TTC27: variants seen among roughly 807,000 people sequenced by gnomAD.
The protein encoded by TTC27 is tetratricopeptide repeat protein 27.
In TTC27, 79 loss-of-function variants were observed where a neutral mutation model predicts 115.9. The observed-to-expected ratio is 0.68, with a 90% confidence interval of 0.57 to 0.82. TTC27 has a LOEUF of 0.82. TTC27 is among the 40% of genes least tolerant of loss of function. The probability of loss-of-function intolerance (pLI) is 0.00; values close to 1 mark genes in which losing one functional copy is unlikely to be tolerated. For missense variants in TTC27, 1,054 were observed against 993.1 expected, an observed-to-expected ratio of 1.06 and a Z score of -0.82; for synonymous variants, 401 against 356.0, an observed-to-expected ratio of 1.13 and a Z score of -1.42.
chr2:32,765,976 G>A (rs116469118), intron 13 of TTC27, among the ~76,000 whole-genome samples: 2,500 of 152,226 alleles, frequency 0.016, 138 homozygotes, highest in Admixed American at 0.12. Context: ...GACTTTCCCC[G>A]TATCAGCAAT....
chr2:32,705,618 A>G (rs948750840), intron 10 of TTC27, among the ~76,000 whole-genome samples: 1 of 151,964 alleles, frequency 6.6e-6, no homozygotes, highest in Admixed American at 6.6e-5. Context: ...TGGTGTGATC[A>G]TTGCTCTCTG....
At chr2:32,691,703 ATAT>A (rs1666817516) in intron 9 of TTC27, among the ~76,000 whole-genome samples, 1 of 151,410 alleles carries the variant, frequency 6.6e-6, no homozygotes, top group Non-Finnish European at 1.5e-5. Flanking sequence ...AATTTATAAA[ATAT>A]TATAACTATA....
chr2:32,813,199 A>G (rs576138100), intron 18 of TTC27, among the ~76,000 whole-genome samples: 2 of 146,330 alleles, frequency 1.4e-5, no homozygotes, highest in African/African-American at 4.9e-5. Flanking sequence ...ATGCATTTTT[A>G]TATTTATATT....
chr2:32,705,768 G>A (rs1667346886), intron 10 of TTC27, among the ~76,000 whole-genome samples: 1 of 152,060 alleles, frequency 6.6e-6, no homozygotes, highest in African/African-American at 2.4e-5. Context: ...TGTCCAGGCT[G>A]GTCTAGAACT....
rs745755094 is a variant in TTC27, at chr2:32,733,817, T to G, written c.1234-11T>G. ...ACATATAGATTCTGATTGTGATATA[T>G]GTCCTTTAAGGCTCTTGCAGACCAA... On this transcript the variant is annotated splice_polypyrimidine_tract_variant and intron_variant, in intron 10 of 19. Coordinates refer to ENST00000317907, the MANE Select transcript of TTC27 (RefSeq NM_017735.5). 6.3e-7 allele frequency: 1 copy of G among 1,579,496 alleles called. No homozygotes were observed. Among genetic ancestry groups the G allele is most frequent in the South Asian group, 1.1e-5 (1 of 87,900 alleles).
chr2:32,720,780 C>T (rs887220536), intron 10 of TTC27, among the ~76,000 whole-genome samples: 1 of 152,108 alleles, frequency 6.6e-6, no homozygotes, highest in Non-Finnish European at 1.5e-5. Context: ...TTTAGCATAC[C>T]AGAAGACAAA....
At chr2:32,703,543 A>C (rs751917014) in intron 10 of TTC27, among the ~76,000 whole-genome samples, 90 of 152,240 alleles carry the variant, frequency 5.9e-4, no homozygotes, top group Non-Finnish European at 1.9e-4. Context: ...TTAATAAATA[A>C]AGATATGCAG....
chr2:32,691,992 T>C (rs1310475373), intron 9 of TTC27, among the ~76,000 whole-genome samples: 8 of 149,820 alleles, frequency 5.3e-5, no homozygotes, highest in Non-Finnish European at 1.2e-4. Flanking sequence ...TTTTCAGCAG[T>C]GTGCTAATTC....
At chr2:32,819,670 C>G (rs1394694556) in intron 19 of TTC27, among the ~76,000 whole-genome samples, 1 of 152,162 alleles carries the variant, frequency 6.6e-6, no homozygotes, top group Non-Finnish European at 1.5e-5. Flanking sequence ...ATCATCCAGT[C>G]CATGCTCTCC....
chr2:32,817,434 T>C (rs370555322), intron 18 of TTC27, 23 bp from the exon 19 acceptor site: 1,028 of 1,588,376 alleles, frequency 6.5e-4, no homozygotes, highest in Non-Finnish European at 8.4e-4. Flanking sequence ...TAATGGATGT[T>C]TCTCTCCATA....
In TTC27 at chr2:32,767,325, A is replaced by C. The variant is rs369303396; in HGVS notation, c.1680+8806A>C. Among the ~76,000 whole-genome samples, 58 of 152,326 alleles carry C rather than the reference A, an allele frequency of 3.8e-4. 1 individual carries two copies. The South Asian group carries it at 0.01, about 27-fold the overall frequency. On this transcript the variant is annotated intron_variant, in intron 13 of 19. Coordinates refer to ENST00000317907, the MANE Select transcript of TTC27 (RefSeq NM_017735.5). Reference sequence around the variant, plus strand: ...TTTAGCAGCATCTAAATCTGGTGAAACATTACAAAAATCATAAATAGAGAC... The same window carrying C: ...TTTAGCAGCATCTAAATCTGGTGAACCATTACAAAAATCATAAATAGAGAC...
chr2:32,739,825 G>A (rs1668568538), intron 12 of TTC27, among the ~76,000 whole-genome samples: 1 of 152,122 alleles, frequency 6.6e-6, no homozygotes, highest in African/African-American at 2.4e-5. Flanking sequence ...TTGGTCATGT[G>A]CCAGTAGCTG....
At chr2:32,727,524 T>G (rs965877806) in intron 10 of TTC27, among the ~76,000 whole-genome samples, 1 of 152,164 alleles carries the variant, frequency 6.6e-6, no homozygotes, top group Admixed American at 6.5e-5. Flanking sequence ...AATAATAATA[T>G]CCACAATTAA....
intron 13 of TTC27, among the ~76,000 whole-genome samples, chr2:32,768,688 A>G (rs1307346029): frequency 3.3e-5 from 5 of 152,212 alleles, no homozygotes; most frequent in African/African-American, 4.8e-5. Flanking sequence ...GGAAGTTTAA[A>G]TAAGGAATGA....
At chr2:32,698,726 C>T (rs1275411388) in intron 9 of TTC27, among the ~76,000 whole-genome samples, 8 of 151,978 alleles carry the variant, frequency 5.3e-5, no homozygotes, top group Non-Finnish European at 7.4e-5. Context: ...ATGATCCGCC[C>T]GCCTCGGCCT....
chr2:32,763,375 A>G (rs1669512506), intron 13 of TTC27, among the ~76,000 whole-genome samples: 1 of 152,238 alleles, frequency 6.6e-6, no homozygotes, highest in African/African-American at 2.4e-5. Flanking sequence ...GAATTTAAAA[A>G]AATTCTATCC....
chr2:32,683,903 C>T (rs1325752703), intron 9 of TTC27, among the ~76,000 whole-genome samples: 1 of 152,074 alleles, frequency 6.6e-6, no homozygotes, highest in Non-Finnish European at 1.5e-5. Context: ...TGCCTGTAAT[C>T]CCAGCACTTT....
At chr2:32,681,980 ATGTGTGTGTGTG>A (rs70938359) in intron 9 of TTC27, among the ~76,000 whole-genome samples, 25,863 of 89,606 alleles carry the variant, frequency 0.29, 2,734 homozygotes, top group African/African-American at 0.39. Flanking sequence ...ATGTATATAT[ATGTGTGTGTGTG>A]TGTGTGTGTG....
intron 12 of TTC27, among the ~76,000 whole-genome samples, chr2:32,755,896 A>G (rs1464141784): frequency 6.6e-6 from 1 of 152,216 alleles, no homozygotes; most frequent in Non-Finnish European, 1.5e-5. Flanking sequence ...CTCATAATCT[A>G]TCACTCAATA....
Sources: allele counts gnomAD v4.1 joint callset (sites outside exome capture counted in the v4.1 genomes callset), GRCh38; gene constraint gnomAD v4.1.1; transcripts MANE v1.5; gene names NCBI Gene and HGNC (gene_info 2026-07-23, HGNC 2026-07-21).